Variants in STON2 observed in about 807,000 individuals in gnomAD.
The protein encoded by STON2 is stonin-2.
A neutral mutation model predicts 65.7 loss-of-function variants in STON2; 29 were observed. The ratio of observed to expected loss-of-function variants is 0.44; its 90% CI spans 0.33 to 0.60. The LOEUF is 0.60. STON2 is among the 20% of genes least tolerant of loss of function. The pLI is 0.03. For synonymous variants in STON2, 404 were observed against 414.2 expected (o/e 0.98, Z 0.30); for missense variants, 1,054 against 1,118.1 (o/e 0.94, Z 0.82).
At chr14:81,397,487 C>A (rs1237929433) in intron 2 of STON2, among the ~76,000 whole-genome samples, 1 of 152,146 alleles carries the variant, frequency 6.6e-6, no homozygotes, top group African/African-American at 2.4e-5. Context: ...GCTTACAGCA[C>A]ATCCCAATTC....
intron 4 of STON2, among the ~76,000 whole-genome samples, chr14:81,355,974 C>G (rs1051892412): frequency 1.3e-5 from 2 of 152,174 alleles, no homozygotes; most frequent in African/African-American, 4.8e-5. Context: ...TTGACTTCCT[C>G]TTTTTCTAAT....
chr14:81,325,664 G>C (rs1297585875), intron 4 of STON2, among the ~76,000 whole-genome samples: 1 of 152,092 alleles, frequency 6.6e-6, no homozygotes, highest in African/African-American at 2.4e-5. Context: ...TTGGATTAAA[G>C]GATACCCGTG....
intron 4 of STON2, among the ~76,000 whole-genome samples, chr14:81,360,354 G>T (rs1304594036): frequency 6.6e-6 from 1 of 151,930 alleles, no homozygotes; most frequent in African/African-American, 2.4e-5. Flanking sequence ...ATTTATCCCT[G>T]GGATGCAAAG....
chr14:81,373,398 G>A (rs1899093538), intron 3 of STON2, among the ~76,000 whole-genome samples: 1 of 151,970 alleles, frequency 6.6e-6, no homozygotes, highest in Non-Finnish European at 1.5e-5. Flanking sequence ...AAAAAGCAAA[G>A]CCAAATTTAT....
chr14:81,409,533 A>T (rs1242787187), intron 2 of STON2, among the ~76,000 whole-genome samples: 1 of 152,152 alleles, frequency 6.6e-6, no homozygotes, highest in Non-Finnish European at 1.5e-5. Flanking sequence ...TACAATTAGT[A>T]TATAGTTCCA....
At chr14:81,269,920 T>C (rs8012894) in intron 7 of STON2, 2 of 985,432 alleles carry the variant, frequency 2.0e-6, no homozygotes, top group Non-Finnish European at 2.4e-6. Context: ...TGTCCTGTTA[T>C]AGCCCAGTAC....
Position 81,276,900 on chromosome 14 carries a change from C to G in STON2, c.2581+1G>C. 1 of 1,606,336 alleles carries G rather than the reference C, an allele frequency of 6.2e-7. No homozygotes were observed. The highest frequency in any genetic ancestry group is 2.2e-5 in the East Asian group (1 of 44,674). The stretch of plus-strand genomic sequence containing the variant: ...TTCACAGAAGAGGAACCACCACCCA[C>G]CTGAGTTTTTGTCCGGCAGTCGGTT... On this transcript the variant is annotated splice_donor_variant, in intron 6 of 7. Coordinates refer to ENST00000614646, the MANE Select transcript of STON2 (RefSeq NM_001394390.1). LOFTEE classifies it high-confidence loss of function.
chr14:81,284,119 T>C lies in STON2; in HGVS notation c.743-5380A>G, dbSNP rs192701016. ...GTCTGGCCATTCCCCTATCTCTCTC[T>C]CTCTCTTCTTCAGGCCTCCTTATTC... On this transcript the variant is annotated intron_variant, in intron 5 of 7. Coordinates refer to ENST00000614646, the MANE Select transcript of STON2 (RefSeq NM_001394390.1). 5.1e-3 allele frequency among the ~76,000 whole-genome samples: 775 copies of C among 152,318 alleles called. 3 individuals are homozygous for C. Among genetic ancestry groups the C allele is most frequent in the Non-Finnish European group, 8.3e-3 (565 of 68,024 alleles).
intron 4 of STON2, among the ~76,000 whole-genome samples, chr14:81,369,306 G>A (rs1009329804): frequency 1.3e-5 from 2 of 152,012 alleles, no homozygotes; most frequent in African/African-American, 4.8e-5. Context: ...AATGACTTTA[G>A]AACAAGGAGA....
At chr14:81,365,865 C>T (rs983765908) in intron 4 of STON2, among the ~76,000 whole-genome samples, 3 of 152,202 alleles carry the variant, frequency 2.0e-5, no homozygotes, top group African/African-American at 7.2e-5. Context: ...TTGGAATGAA[C>T]TTCAAAGGCA....
At chr14:81,406,356 C>T (rs34596952) in intron 2 of STON2, among the ~76,000 whole-genome samples, 62,934 of 151,992 alleles carry the variant, frequency 0.41, 15,300 homozygotes, top group Non-Finnish European at 0.55. Context: ...TACTCTAGAG[C>T]ATGGGCTGGC....
At chr14:81,363,260 T>C (rs1343579670) in intron 4 of STON2, among the ~76,000 whole-genome samples, 1 of 152,196 alleles carries the variant, frequency 6.6e-6, no homozygotes, top group Non-Finnish European at 1.5e-5. Context: ...GTATAAAGTA[T>C]ATAGGACATT....
chr14:81,358,997 A>G (rs1319096019), intron 4 of STON2, among the ~76,000 whole-genome samples: 1 of 152,228 alleles, frequency 6.6e-6, no homozygotes, highest in African/African-American at 2.4e-5. Context: ...CAGAAAAGTA[A>G]TAAGGAAACA....
intron 5 of STON2, among the ~76,000 whole-genome samples, chr14:81,284,513 T>C (rs746675437): frequency 2.0e-5 from 3 of 152,010 alleles, no homozygotes; most frequent in African/African-American, 7.3e-5. Context: ...AATAAATAAA[T>C]AAATAAAGCT....
At chr14:81,426,600 T>C (rs1475324193) in intron 2 of STON2, among the ~76,000 whole-genome samples, 2 of 152,104 alleles carry the variant, frequency 1.3e-5, no homozygotes, top group Non-Finnish European at 2.9e-5. Flanking sequence ...CGACTCTCCC[T>C]TCCCTGAAAT....
At position 81,396,171 on chromosome 14, in the gene STON2, C is replaced by T. The variant is rs765063400; in HGVS notation, c.96G>A (p.Thr32=). ...ATGACAGTCCTGGGAGGTGCTCTTC[C>T]GTGCCCCCTGAAACAGATACCAGAC... The part of the protein sequence containing the change: ...PPFPAHSQGG[T]EEHLPGLSSS... Residue 32 remains threonine (T), a synonymous_variant, in exon 3 of 8, where the codon ACG becomes ACA. Transcript: ENST00000614646. The T allele has an allele frequency of 1.4e-5, 23 of 1,607,618 alleles. No individual in the cohort carries two copies. The highest frequency in any genetic ancestry group is 1.9e-5 in the Non-Finnish European group (22 of 1,176,778).
At chr14:81,424,443 CA>C (rs910192555) in intron 2 of STON2, among the ~76,000 whole-genome samples, 3 of 146,534 alleles carry the variant, frequency 2.0e-5, no homozygotes, top group Non-Finnish European at 1.5e-5. Flanking sequence ...GACACCATAT[CA>C]AAAAAAAATA....
At chr14:81,425,130 C>G (rs1174386143) in intron 2 of STON2, among the ~76,000 whole-genome samples, 2 of 152,192 alleles carry the variant, frequency 1.3e-5, no homozygotes, top group African/African-American at 4.8e-5. Context: ...GACAAGACTT[C>G]AGAATGTGAT....
chr14:81,312,349 C>G (rs1372206468), intron 5 of STON2, among the ~76,000 whole-genome samples: 3 of 152,146 alleles, frequency 2.0e-5, no homozygotes. Context: ...GGAGAGGAGT[C>G]AGAAAAACTT....
Sources: allele counts gnomAD v4.1 joint callset (sites outside exome capture counted in the v4.1 genomes callset), GRCh38; gene constraint gnomAD v4.1.1; transcripts MANE v1.5; gene names NCBI Gene and HGNC (gene_info 2026-07-23, HGNC 2026-07-21).